SCOC: variants seen among roughly 807,000 people sequenced by gnomAD.
The protein encoded by SCOC is short coiled-coil protein, also known as short coiled coil protein.
A neutral mutation model predicts 9.9 loss-of-function variants in SCOC; 7 were observed. The ratio of observed to expected loss-of-function variants is 0.71; its 90% CI spans 0.40 to 1.33. SCOC has a LOEUF of 1.33. Among genes scored for constraint, SCOC ranks in the 40% most tolerant of loss-of-function variants. The pLI is 0.01. For synonymous variants in SCOC, 19 were observed against 28.2 expected (o/e 0.67, Z 1.03); for missense variants, 66 against 89.7 (o/e 0.74, Z 1.07).
chr4:140,383,473 C>T lies in SCOC; in HGVS notation c.*2369C>T, dbSNP rs1169061507. The T allele has an allele frequency of 6.6e-6, 1 of 152,164 alleles. No individual in the cohort carries two copies. Among genetic ancestry groups the T allele is most frequent in the South Asian group, 2.1e-4 (1 of 4,828 alleles). 9.4% of individuals were successfully genotyped at this position (152,164 alleles called of 1,614,324 possible). A position where few individuals can be genotyped will look rare whatever the true frequency, so the allele number is the denominator to read the frequency against. ...ATTTGGAAAATGGAATAAAGGGAAA[C>T]GTAAAAATTGTGGAATGCTCCTGGG... is the stretch of plus-strand genomic sequence containing the variant. On this transcript the variant is annotated 3_prime_UTR_variant, in exon 4 of 4. Transcript: ENST00000608372.
intron 1 of SCOC, among the ~76,000 whole-genome samples, chr4:140,313,699 A>G (rs567608584): frequency 3.0e-4 from 46 of 152,358 alleles, no homozygotes; most frequent in African/African-American, 1.1e-3. Flanking sequence ...CGGTGGAGGC[A>G]GCCACTAAAT....
chr4:140,287,437 T>C (rs1162311228), intron 1 of SCOC, among the ~76,000 whole-genome samples: 1 of 144,436 alleles, frequency 6.9e-6, no homozygotes, highest in East Asian at 2.1e-4. Flanking sequence ...ACCATGCACA[T>C]ACATATACCA....
At chr4:140,332,359 CTTTTTTT>C (rs70943486) in intron 1 of SCOC, among the ~76,000 whole-genome samples, 2 of 76,776 alleles carry the variant, frequency 2.6e-5, no homozygotes, top group African/African-American at 8.0e-5. Context: ...CTGGAGTCAT[CTTTTTTT>C]TTTTTTTTTT....
intron 2 of SCOC, among the ~76,000 whole-genome samples, chr4:140,365,864 TAGTGCTTCC>T (rs1194610279): frequency 6.6e-6 from 1 of 152,254 alleles, no homozygotes; most frequent in Admixed American, 6.5e-5. Flanking sequence ...ATGTTATTGG[TAGTGCTTCC>T]AGTCAACATA....
intron 1 of SCOC, among the ~76,000 whole-genome samples, chr4:140,283,296 T>C (rs563339345): frequency 2.0e-5 from 3 of 152,320 alleles, no homozygotes; most frequent in Admixed American, 2.0e-4. Flanking sequence ...AGCTGCTCAA[T>C]TGATCAAAAT....
At chr4:140,343,546 T>C (rs528409431) in intron 1 of SCOC, 2 of 914,454 alleles carry the variant, frequency 2.2e-6, no homozygotes, top group East Asian at 5.2e-5. Context: ...GGAAGTTCAC[T>C]GATTAATGAT....
At chr4:140,297,240 T>C (rs1731668059) in intron 1 of SCOC, among the ~76,000 whole-genome samples, 1 of 143,172 alleles carries the variant, frequency 7.0e-6, no homozygotes, top group South Asian at 2.5e-4. Context: ...GGAGGGAAAA[T>C]GCCGGAGAGG....
At chr4:140,362,452 G>A (rs1727612033) in intron 2 of SCOC, among the ~76,000 whole-genome samples, 1 of 149,146 alleles carries the variant, frequency 6.7e-6, no homozygotes, top group African/African-American at 2.5e-5. Flanking sequence ...AAGCCACCAT[G>A]CCCGGCTAAT....
At chr4:140,332,898 C>A (rs191599749) in intron 1 of SCOC, among the ~76,000 whole-genome samples, 1 of 152,260 alleles carries the variant, frequency 6.6e-6, no homozygotes, top group Admixed American at 6.5e-5. Context: ...TAACCAGTGT[C>A]TATTTTCTTC....
chr4:140,279,601 C>T (rs578187663), intron 1 of SCOC, among the ~76,000 whole-genome samples: 6 of 152,268 alleles, frequency 3.9e-5, no homozygotes, highest in Non-Finnish European at 5.9e-5. Context: ...GAAGATGTAA[C>T]GTATTTGCCT....
At chr4:140,294,693 G>A (rs1731572128) in intron 1 of SCOC, among the ~76,000 whole-genome samples, 1 of 152,130 alleles carries the variant, frequency 6.6e-6, no homozygotes, top group African/African-American at 2.4e-5. Context: ...CAAGTTCTAG[G>A]TTCATGGGAT....
Position 140,321,919 on chromosome 4 carries a change from G to A in SCOC, c.-18-21702G>A, listed in dbSNP as rs192111739. Reference sequence around the variant, plus strand: ...TAATGGGAGGTGTTTAGATTATGAGGGCTCTGCCCTTGTGAAAGGATAAAT... The same window carrying A: ...TAATGGGAGGTGTTTAGATTATGAGAGCTCTGCCCTTGTGAAAGGATAAAT... On this transcript the variant is annotated intron_variant, in intron 1 of 4. Coordinates refer to the SCOC transcript ENST00000394205. Among the ~76,000 whole-genome samples, 278 of 152,198 alleles carry A rather than the reference G, an allele frequency of 1.8e-3. 2 individuals are homozygous for A. The highest frequency in any genetic ancestry group is 2.8e-3 in the Non-Finnish European group (189 of 68,016).
chr4:140,270,453 C>A (rs1730818444), intron 1 of SCOC, among the ~76,000 whole-genome samples: 1 of 152,124 alleles, frequency 6.6e-6, no homozygotes, highest in African/African-American at 2.4e-5. Context: ...CCCACCTTAC[C>A]CTCCCTAGTA....
intron 1 of SCOC, among the ~76,000 whole-genome samples, chr4:140,332,779 C>T (rs1732855050): frequency 6.6e-6 from 1 of 152,146 alleles, no homozygotes; most frequent in Non-Finnish European, 1.5e-5. Flanking sequence ...TATACCACCT[C>T]AACAGCGACC....
chr4:140,289,127 C>T (rs986112208), intron 1 of SCOC, among the ~76,000 whole-genome samples: 61 of 152,204 alleles, frequency 4.0e-4, no homozygotes, highest in Non-Finnish European at 6.2e-4. Context: ...AAAGTGTACT[C>T]CTTTGGGGAC....
chr4:140,281,414 A>G (rs1223873181), intron 1 of SCOC, among the ~76,000 whole-genome samples: 1 of 152,264 alleles, frequency 6.6e-6, no homozygotes, highest in African/African-American at 2.4e-5. Flanking sequence ...ATATGTTCAC[A>G]GAAAAATGAA....
chr4:140,308,769 C>A (rs989856382), intron 1 of SCOC, among the ~76,000 whole-genome samples: 3 of 152,328 alleles, frequency 2.0e-5, no homozygotes, highest in Non-Finnish European at 2.9e-5. Context: ...TCCTGCTATG[C>A]AAGCTGTCTG....
intron 1 of SCOC, among the ~76,000 whole-genome samples, chr4:140,272,762 G>A (rs1217646949): frequency 6.6e-6 from 1 of 151,966 alleles, no homozygotes; most frequent in African/African-American, 2.4e-5. Flanking sequence ...GAAGTGGAAA[G>A]ATATTAAGTG....
chr4:140,369,832 T>C (rs1426327014), upstream of SCOC, among the ~76,000 whole-genome samples: 2 of 151,386 alleles, frequency 1.3e-5, no homozygotes, highest in Admixed American at 6.6e-5. Context: ...TTTGTACTTA[T>C]AGCCTTTCCT....
Sources: allele counts gnomAD v4.1 joint callset (sites outside exome capture counted in the v4.1 genomes callset), GRCh38; gene constraint gnomAD v4.1.1; transcripts MANE v1.5; gene names NCBI Gene and HGNC (gene_info 2026-07-23, HGNC 2026-07-21).